Variants in SLC24A2 observed in about 807,000 individuals in gnomAD.
SLC24A2 encodes the protein sodium/potassium/calcium exchanger 2.
In SLC24A2, 36 loss-of-function variants were observed where a neutral mutation model predicts 62.0. The observed-to-expected ratio is 0.58, with a 90% confidence interval of 0.44 to 0.77. The LOEUF is 0.77. Ranked by LOEUF, SLC24A2 falls within the 30% of genes least tolerant of loss-of-function variation. The pLI, the probability that SLC24A2 is intolerant of heterozygous loss-of-function variation, is 0.00. For missense variants in SLC24A2, 846 were observed against 817.9 expected (o/e 1.03, Z -0.42); for synonymous variants, 358 against 294.0 (o/e 1.22, Z -2.23).
At chr9:19,888,793 G>A in the SLC24A2 span, among the ~76,000 whole-genome samples, 1 of 152,134 alleles carries the variant, frequency 6.6e-6, no homozygotes, top group African/African-American at 2.4e-5. Flanking sequence ...GAAGGCAGTT[G>A]GGAAGAAATG....
At chr9:19,589,016 T>C (rs757821926) in intron 5 of SLC24A2, among the ~76,000 whole-genome samples, 13 of 152,308 alleles carry the variant, frequency 8.5e-5, no homozygotes, top group Non-Finnish European at 1.9e-4. Flanking sequence ...TGAGCATAAA[T>C]TGGTGCAATT....
chr9:20,119,343 T>A, the SLC24A2 span, among the ~76,000 whole-genome samples: 1 of 152,124 alleles, frequency 6.6e-6, no homozygotes, highest in African/African-American at 2.4e-5. Context: ...TTTTTGTAAT[T>A]TGTTATGCCG....
chr9:20,305,690 A>G, the SLC24A2 span, among the ~76,000 whole-genome samples: 1 of 152,218 alleles, frequency 6.6e-6, no homozygotes, highest in Non-Finnish European at 1.5e-5. Flanking sequence ...AGTCAATAGC[A>G]TTATCCCAGT....
chr9:20,060,227 T>C, the SLC24A2 span, among the ~76,000 whole-genome samples: 1 of 151,974 alleles, frequency 6.6e-6, no homozygotes, highest in Admixed American at 6.6e-5. Flanking sequence ...TACCAAACAT[T>C]TAAAGAAGAA....
the SLC24A2 span, among the ~76,000 whole-genome samples, chr9:20,218,325 G>A: frequency 1.3e-5 from 2 of 152,174 alleles, no homozygotes; most frequent in Admixed American, 1.3e-4. Context: ...CCCTTGCTAT[G>A]TTACTGGTCT....
At chr9:20,188,651 A>G in the SLC24A2 span, among the ~76,000 whole-genome samples, 1 of 152,180 alleles carries the variant, frequency 6.6e-6, no homozygotes. Flanking sequence ...GGGAGGCAGA[A>G]GGGTCAGAGT....
chr9:19,880,770 T>A, the SLC24A2 span, among the ~76,000 whole-genome samples: 1 of 152,172 alleles, frequency 6.6e-6, no homozygotes, highest in Non-Finnish European at 1.5e-5. Context: ...TTGGGGGGAT[T>A]GGATATGTTA....
chr9:20,153,814 G>C, the SLC24A2 span, among the ~76,000 whole-genome samples: 4 of 151,896 alleles, frequency 2.6e-5, no homozygotes, highest in Non-Finnish European at 5.9e-5. Context: ...TGGAATATAG[G>C]GACTTGAGTA....
At chr9:19,979,414 A>G in the SLC24A2 span, among the ~76,000 whole-genome samples, 2 of 152,204 alleles carry the variant, frequency 1.3e-5, no homozygotes, top group Non-Finnish European at 2.9e-5. Context: ...AAGTATGTAC[A>G]TACACACATG....
chr9:20,159,198 T>A, the SLC24A2 span, among the ~76,000 whole-genome samples: 3 of 151,738 alleles, frequency 2.0e-5, no homozygotes, highest in East Asian at 3.9e-4. Flanking sequence ...ATGTGGAATA[T>A]CATACACACG....
chr9:19,787,380 A>T (rs1587328174), intron 1 of SLC24A2, among the ~76,000 whole-genome samples: 1 of 152,250 alleles, frequency 6.6e-6, no homozygotes, highest in East Asian at 1.9e-4. Context: ...ACCTTAAATC[A>T]TGTAATAACC....
chr9:20,042,721 C>G, the SLC24A2 span, among the ~76,000 whole-genome samples: 1 of 152,212 alleles, frequency 6.6e-6, no homozygotes, highest in East Asian at 1.9e-4. Flanking sequence ...TTTGTGGCAA[C>G]AATATCTATG....
chr9:20,156,820 G>A, the SLC24A2 span, among the ~76,000 whole-genome samples: 7 of 151,590 alleles, frequency 4.6e-5, no homozygotes, highest in African/African-American at 1.5e-4. Context: ...CCATTTAAAG[G>A]TAATTATTGC....
intron 2 of SLC24A2, among the ~76,000 whole-genome samples, chr9:19,706,138 T>A (rs1820507965): frequency 2.6e-5 from 4 of 151,776 alleles, no homozygotes; most frequent in Admixed American, 2.6e-4. Flanking sequence ...GCATATATAT[T>A]TAGGATAGTT....
At position 19,740,260 on chromosome 9, in the gene SLC24A2, C is replaced by G. The variant is rs188388378; in HGVS notation, c.930+45677G>C. 1.1e-3 allele frequency among the ~76,000 whole-genome samples: 162 copies of G among 152,120 alleles called. 1 individual carries two copies. The highest frequency in any genetic ancestry group is 3.6e-3 in the African/African-American group (148 of 41,514). ...CAACAGAAATGCATACAAGTGTGTA[C>G]CAAAAGACATGTATAACAATGTTCA... On this transcript the variant is annotated intron_variant, in intron 2 of 10. Transcript: ENST00000341998.
At chr9:20,275,949 G>A in the SLC24A2 span, among the ~76,000 whole-genome samples, 12 of 152,086 alleles carry the variant, frequency 7.9e-5, no homozygotes, top group Admixed American at 7.9e-4. Flanking sequence ...CCACCCCCAT[G>A]ATACAATTAC....
chr9:19,782,244 A>G (rs1823039345), intron 2 of SLC24A2, among the ~76,000 whole-genome samples: 1 of 152,230 alleles, frequency 6.6e-6, no homozygotes, highest in Non-Finnish European at 1.5e-5. Context: ...TAGCAAAATG[A>G]GCCGAATGAT....
At chr9:20,111,435 T>C in the SLC24A2 span, among the ~76,000 whole-genome samples, 3 of 152,334 alleles carry the variant, frequency 2.0e-5, no homozygotes, top group South Asian at 6.2e-4. Context: ...GCACCGTCTC[T>C]TATTGCTTTT....
chr9:19,634,281 CT>C (rs35884916), intron 2 of SLC24A2, among the ~76,000 whole-genome samples: 3,025 of 79,242 alleles, frequency 0.038, 42 homozygotes, highest in African/African-American at 0.11. Flanking sequence ...ACTGCAGCCT[CT>C]TTTTTTTTTT....
Sources: gnomAD v4.1 joint callset for allele counts (sites outside exome capture counted in the v4.1 genomes callset) on GRCh38, gnomAD v4.1.1 for gene constraint, MANE v1.5 for transcripts, NCBI Gene and HGNC (gene_info 2026-07-23, HGNC 2026-07-21) for gene names.